Variants in ZNF516 observed in about 807,000 individuals in gnomAD.
The protein encoded by ZNF516 is zinc finger protein 516.
ZNF516 carries 19 observed loss-of-function variants against 79.7 expected under a neutral mutation model. The ratio of observed to expected loss-of-function variants is 0.24; its 90% CI spans 0.17 to 0.35. ZNF516 has a LOEUF of 0.35. ZNF516 is among the 10% of genes least tolerant of loss of function. The pLI is 1.00. For missense variants in ZNF516, 1,678 were observed against 1,679.5 expected (o/e 1.00, Z 0.02); for synonymous variants, 877 against 739.5 (o/e 1.19, Z -3.02).
At position 76,441,553 on chromosome 18, in the gene ZNF516, G is replaced by C. The variant is rs777057785; in HGVS notation, c.1502C>G (p.Pro501Arg). The C allele has an allele frequency of 3.9e-6, 6 of 1,536,212 alleles. No individual in the cohort carries two copies. Among genetic ancestry groups the C allele is most frequent in the Non-Finnish European group, 5.2e-6 (6 of 1,144,748 alleles). Residue 501 changes from proline to arginine, a missense_variant, in exon 3 of 7, where the codon CCC (proline) becomes CGC (arginine). This residue lies in a region of ZNF516 where 1,294 missense variants were observed against 1,248.3 expected (regional missense o/e 1.04). Transcript: ENST00000443185. ...GHLDPRSAAR[P>R]NRRAAATTGQ... ...GGTGGTGGCTGCGGCCCTGCGGTTG[G>C]GGCGCGCGGCCGAGCGGGGATCGAG...
intron 5 of ZNF516, 51 bp from the exon 6 acceptor site, chr18:76,370,646 T>C: frequency 1.3e-6 from 2 of 1,491,568 alleles, no homozygotes; most frequent in African/African-American, 1.4e-5. Context: ...CTTCCGGACG[T>C]GCACATTAAA....
chr18:76,496,225 G>T (rs1599180941), upstream of ZNF516: 3 of 1,240,766 alleles, frequency 2.4e-6, no homozygotes, highest in East Asian at 5.8e-5. Flanking sequence ...GGCCGGTGAC[G>T]TAGACCCGGG....
Position 76,443,112 on chromosome 18 carries a change from G to A in ZNF516, c.-58C>T, listed in dbSNP as rs1911827397. On this transcript the variant is annotated 5_prime_UTR_variant, in exon 3 of 7. Transcript: ENST00000443185. ...CAGCTTTCTGTCGCGCGGGCTGCAGGGACCGTCCTATCTCTCCATGGTCAG... is the reference window on the plus strand; with the variant it reads ...CAGCTTTCTGTCGCGCGGGCTGCAGAGACCGTCCTATCTCTCCATGGTCAG... The A allele has an allele frequency of 1.3e-6, 2 of 1,517,878 alleles. No individual in the cohort carries two copies. Among genetic ancestry groups the A allele is most frequent in the African/African-American group, 1.4e-5 (1 of 71,742 alleles). 94.0% of individuals were successfully genotyped at this position (1,517,878 alleles called of 1,614,324 possible). A position where few individuals can be genotyped will look rare whatever the true frequency, so the allele number is the denominator to read the frequency against.
At chr18:76,400,303 C>CA (rs1205709933) in intron 3 of ZNF516, among the ~76,000 whole-genome samples, 2 of 152,338 alleles carry the variant, frequency 1.3e-5, no homozygotes, top group Admixed American at 1.3e-4. Context: ...TAAGTCCTTT[C>CA]ACAGAGGTTT....
chr18:76,432,052 C>T (rs985768269), intron 3 of ZNF516, among the ~76,000 whole-genome samples: 3 of 152,228 alleles, frequency 2.0e-5, no homozygotes, highest in African/African-American at 4.8e-5. Context: ...GTGGATGAGA[C>T]GCTTTGGAGA....
chr18:76,405,983 T>C (rs1258234862), intron 3 of ZNF516, among the ~76,000 whole-genome samples: 2 of 151,922 alleles, frequency 1.3e-5, no homozygotes, highest in East Asian at 3.9e-4. Context: ...AACTCAGTCA[T>C]GCCTGGCCCT....
chr18:76,455,145 C>T (rs1315482891), intron 2 of ZNF516, among the ~76,000 whole-genome samples: 1 of 152,160 alleles, frequency 6.6e-6, no homozygotes, highest in Non-Finnish European at 1.5e-5. Context: ...AGCAGTCACA[C>T]AGTTGCTTTG....
chr18:76,369,577 T>A (rs765832022), intron 6 of ZNF516, among the ~76,000 whole-genome samples: 2 of 152,174 alleles, frequency 1.3e-5, no homozygotes, highest in Admixed American at 6.5e-5. Context: ...TCGAGTTCCT[T>A]TGAGACCTCA....
chr18:76,398,473 A>G (rs1227409059), intron 3 of ZNF516, among the ~76,000 whole-genome samples: 1 of 152,238 alleles, frequency 6.6e-6, no homozygotes, highest in Non-Finnish European at 1.5e-5. Context: ...AAGGCCGTAC[A>G]TGAAGTCTTA....
In ZNF516 at chr18:76,360,782, T is replaced by C. The variant is rs2074524149; in HGVS notation, c.*1716A>G. ...AGTAGAATCCAGAACCAAACATTAC[T>C]AATAACAATAACAATAATAATAATA... On this transcript the variant is annotated 3_prime_UTR_variant, in exon 7 of 7. Coordinates refer to ENST00000443185, the MANE Select transcript of ZNF516 (RefSeq NM_014643.4). 1 of 140,560 alleles carries C rather than the reference T, an allele frequency of 7.1e-6. No individual in the cohort carries two copies. The highest frequency in any genetic ancestry group is 1.5e-5 in the Non-Finnish European group (1 of 65,348). The allele number at this position is 140,560 out of a possible 1,614,324, so 8.7% of individuals were successfully genotyped here.
At chr18:76,441,155 C>A in intron 3 of ZNF516, 90 bp downstream of exon 3, 5 of 1,470,864 alleles carry the variant, frequency 3.4e-6, no homozygotes, top group South Asian at 1.4e-5. Context: ...GGCTAATGAG[C>A]GAGCCTACTT....
At chr18:76,496,271 C>G, upstream of ZNF516, 1 of 1,286,846 alleles carries the variant, frequency 7.8e-7, no homozygotes, top group Non-Finnish European at 1.0e-6. Flanking sequence ...ACTATCTTCT[C>G]CCACCAGGCT....
chr18:76,495,317 C>G (rs1371626096), upstream of ZNF516: 1 of 144,434 alleles, frequency 6.9e-6, no homozygotes, highest in Non-Finnish European at 1.5e-5. Context: ...CGCCCGGCCC[C>G]CTCCTCGCGC....
At position 76,373,584 on chromosome 18, in the gene ZNF516, A is replaced by C. The variant is rs529788168; in HGVS notation, c.3260-2013T>G. ...GTGTCTAACATTCACAACTTTCAAA[A>C]ACTAAGTCATTATTCTTTTTTCAAG... On this transcript the variant is annotated intron_variant, in intron 4 of 6. Coordinates refer to ENST00000443185, the MANE Select transcript of ZNF516 (RefSeq NM_014643.4). Among the ~76,000 whole-genome samples, 27 of 152,324 alleles carry C rather than the reference A, an allele frequency of 1.8e-4. No individual in the cohort carries two copies. The East Asian group carries it at 2.5e-3, about 14-fold the overall frequency.
chr18:76,486,976 C>CT (rs920828075), intron 1 of ZNF516, among the ~76,000 whole-genome samples: 2 of 152,092 alleles, frequency 1.3e-5, no homozygotes, highest in African/African-American at 4.8e-5. Context: ...CTATAGTTGT[C>CT]TTTTAAATAA....
intron 4 of ZNF516, 25 bp downstream of exon 4, chr18:76,378,830 G>C (rs1301730130): frequency 2.5e-6 from 4 of 1,598,544 alleles, no homozygotes; most frequent in African/African-American, 1.3e-5. Context: ...TGTGGCCTGG[G>C]GAAGAGAGGG....
intron 3 of ZNF516, among the ~76,000 whole-genome samples, chr18:76,416,394 C>T (rs1016574934): frequency 6.6e-6 from 1 of 152,178 alleles, no homozygotes; most frequent in African/African-American, 2.4e-5. Flanking sequence ...TGAAATGTCG[C>T]CCATGCTTTA....
intron 1 of ZNF516, among the ~76,000 whole-genome samples, chr18:76,487,460 A>T (rs1239086851): frequency 1.3e-5 from 2 of 152,224 alleles, no homozygotes; most frequent in Non-Finnish European, 2.9e-5. Flanking sequence ...ATTCCCCTAA[A>T]ATATTCTTCA....
intron 3 of ZNF516, 114 bp downstream of exon 3, chr18:76,441,131 G>C (rs899299317): frequency 2.9e-5 from 41 of 1,404,092 alleles, no homozygotes; most frequent in Non-Finnish European, 3.5e-5. Context: ...TGAGTAAAGG[G>C]CCACCGGGTA....
Sources: allele counts gnomAD v4.1 joint callset (sites outside exome capture counted in the v4.1 genomes callset), GRCh38; gene constraint gnomAD v4.1.1; regional missense constraint gnomAD v4.1.1; transcripts MANE v1.5; gene names NCBI Gene and HGNC (gene_info 2026-07-23, HGNC 2026-07-21).